Variants in MAF observed in about 807,000 individuals in gnomAD.
MAF encodes the protein transcription factor Maf.
MAF carries 10 observed loss-of-function variants against 22.0 expected under a neutral mutation model. The ratio of observed to expected loss-of-function variants is 0.45; its 90% CI spans 0.28 to 0.77. The LOEUF is 0.77. Ranked by LOEUF, MAF falls within the 30% of genes least tolerant of loss-of-function variation. The pLI, the probability that MAF is intolerant of heterozygous loss-of-function variation, is 0.12. For synonymous variants in MAF, 337 were observed against 255.8 expected (o/e 1.32, Z -3.03); for missense variants, 544 against 548.4 (o/e 0.99, Z 0.08).
the MAF span, among the ~76,000 whole-genome samples, chr16:79,434,871 A>G: frequency 6.6e-6 from 1 of 152,168 alleles, no homozygotes. Context: ...ATTAGAATCC[A>G]GGCAGAAACC....
chr16:79,435,246 GCACA>G, the MAF span, among the ~76,000 whole-genome samples: 98 of 150,254 alleles, frequency 6.5e-4, no homozygotes, highest in Non-Finnish European at 8.3e-4. Context: ...CTGCGACTGT[GCACA>G]CACACACACA....
At chr16:79,238,392 A>G in the MAF span, among the ~76,000 whole-genome samples, 2 of 152,082 alleles carry the variant, frequency 1.3e-5, no homozygotes, top group Non-Finnish European at 2.9e-5. Flanking sequence ...GGCACTGTAG[A>G]GCATACGTCT....
chr16:79,351,374 C>T, the MAF span, among the ~76,000 whole-genome samples: 54 of 152,126 alleles, frequency 3.5e-4, no homozygotes, highest in Non-Finnish European at 5.9e-4. Flanking sequence ...CACATCTGAA[C>T]GTGGTCCTCC....
chr16:79,403,442 G>A, the MAF span, among the ~76,000 whole-genome samples: 1 of 152,188 alleles, frequency 6.6e-6, no homozygotes, highest in African/African-American at 2.4e-5. Context: ...CATCAGGATT[G>A]CTCCAGTATC....
the MAF span, among the ~76,000 whole-genome samples, chr16:79,384,764 A>G: frequency 2.0e-5 from 3 of 152,164 alleles, no homozygotes; most frequent in Admixed American, 6.5e-5. Context: ...CTCAAAAAAA[A>G]TAAAATAAAA....
the MAF span, among the ~76,000 whole-genome samples, chr16:79,311,556 A>T: frequency 1.3e-5 from 2 of 151,228 alleles, no homozygotes; most frequent in East Asian, 3.9e-4. Flanking sequence ...CAGGCTTTGG[A>T]TGAGTCGGGG....
chr16:79,518,420 T>C, the MAF span, among the ~76,000 whole-genome samples: 1 of 152,176 alleles, frequency 6.6e-6, no homozygotes, highest in African/African-American at 2.4e-5. Context: ...GACAGATACA[T>C]CTTGTAGAAC....
the MAF span, among the ~76,000 whole-genome samples, chr16:79,317,777 G>GC: frequency 6.6e-6 from 1 of 152,158 alleles, no homozygotes; most frequent in Admixed American, 6.5e-5. Flanking sequence ...CCTGATGCTA[G>GC]CCCACTGGAC....
At chr16:79,371,731 T>C in the MAF span, among the ~76,000 whole-genome samples, 10 of 152,204 alleles carry the variant, frequency 6.6e-5, no homozygotes, top group African/African-American at 2.2e-4. Flanking sequence ...CCCAGCAGCA[T>C]GTTACCCAGG....
At chr16:79,480,822 G>T in the MAF span, among the ~76,000 whole-genome samples, 1 of 152,126 alleles carries the variant, frequency 6.6e-6, no homozygotes, top group Non-Finnish European at 1.5e-5. Flanking sequence ...CTTCCTCTGG[G>T]AAAACAGTTG....
chr16:79,203,067 C>G, the MAF span: 1 of 152,192 alleles, frequency 6.6e-6, no homozygotes, highest in South Asian at 2.1e-4. Context: ...TTTACCCGGG[C>G]AATTAAAGCA....
chr16:79,565,481 T>C, the MAF span, among the ~76,000 whole-genome samples: 647 of 151,370 alleles, frequency 4.3e-3, 7 homozygotes, highest in African/African-American at 0.015. Context: ...CCTTGAACTG[T>C]AGGTCCCACA....
chr16:79,541,437 G>T, the MAF span, among the ~76,000 whole-genome samples: 1 of 152,104 alleles, frequency 6.6e-6, no homozygotes, highest in East Asian at 1.9e-4. Flanking sequence ...GTCCCTGGCA[G>T]GGACTCTAGG....
Position 79,599,913 on chromosome 16 carries a change from C to T in MAF, c.-11G>A, listed in dbSNP as rs1913901857. Reference sequence around the variant, plus strand: ...CAGTTCTGATGCCATTCTCCTGCCGCCGCCGCCGCCGCCGCCGCCGCTCCG... The same window carrying T: ...CAGTTCTGATGCCATTCTCCTGCCGTCGCCGCCGCCGCCGCCGCCGCTCCG... On this transcript the variant is annotated 5_prime_UTR_variant, in exon 1 of 2. Coordinates refer to ENST00000326043, the MANE Select transcript of MAF (RefSeq NM_005360.5). The T allele has an allele frequency of 1.1e-6, 1 of 935,810 alleles. No homozygotes were observed. The highest frequency in any genetic ancestry group is 1.9e-5 in the African/African-American group (1 of 53,514). 58.0% of individuals were successfully genotyped at this position (935,810 alleles called of 1,614,324 possible).
chr16:79,331,862 C>T, the MAF span, among the ~76,000 whole-genome samples: 21 of 152,320 alleles, frequency 1.4e-4, no homozygotes, highest in East Asian at 3.3e-3. Context: ...CCCTACTTCT[C>T]TGCTCTAAGC....
chr16:79,235,266 T>C, the MAF span, among the ~76,000 whole-genome samples: 2 of 151,928 alleles, frequency 1.3e-5, no homozygotes, highest in Non-Finnish European at 2.9e-5. Context: ...CACACGGGAC[T>C]ATAAGCTCAA....
the MAF span, among the ~76,000 whole-genome samples, chr16:79,308,032 C>T: frequency 6.6e-6 from 1 of 152,194 alleles, no homozygotes; most frequent in Non-Finnish European, 1.5e-5. Flanking sequence ...CTGCCTGTGC[C>T]TCAGTTTCCC....
chr16:79,348,997 G>A, the MAF span, among the ~76,000 whole-genome samples: 1 of 152,290 alleles, frequency 6.6e-6, no homozygotes, highest in East Asian at 1.9e-4. Context: ...CCTGAGCCTG[G>A]TCCCTCCATT....
At chr16:79,485,180 C>T in the MAF span, among the ~76,000 whole-genome samples, 1 of 152,126 alleles carries the variant, frequency 6.6e-6, no homozygotes, top group Non-Finnish European at 1.5e-5. Context: ...GTTCAAACCC[C>T]ACCCCTGCCA....
Sources: allele counts gnomAD v4.1 joint callset (sites outside exome capture counted in the v4.1 genomes callset), GRCh38; gene constraint gnomAD v4.1.1; transcripts MANE v1.5; gene names NCBI Gene and HGNC (gene_info 2026-07-23, HGNC 2026-07-21).